The following TNFSF4 variants were observed in gnomAD, a reference collection of about 807,000 sequenced individuals.
The protein encoded by TNFSF4 is TNF superfamily member 4.
Under a neutral mutation model 7.3 loss-of-function variants are expected in TNFSF4, and 4 were observed. That is an observed-to-expected ratio of 0.55 (90% CI 0.27 to 1.25). The LOEUF (loss-of-function observed/expected upper bound fraction) is 1.25. Among genes scored for constraint, TNFSF4 ranks in the 50% most tolerant of loss-of-function variants. The pLI, the probability that TNFSF4 is intolerant of heterozygous loss-of-function variation, is 0.12. For missense variants in TNFSF4, 181 were observed against 208.8 expected (o/e 0.87, Z 0.82); for synonymous variants, 76 against 83.7 (o/e 0.91, Z 0.50).
At chr1:173,287,100 T>C in the TNFSF4 span, among the ~76,000 whole-genome samples, 1 of 152,182 alleles carries the variant, frequency 6.6e-6, no homozygotes, top group Non-Finnish European at 1.5e-5. Flanking sequence ...GGAAGATTGC[T>C]TGAGGCCAGG....
chr1:173,395,842 G>C, the TNFSF4 span, among the ~76,000 whole-genome samples: 1 of 151,956 alleles, frequency 6.6e-6, no homozygotes, highest in African/African-American at 2.4e-5. Flanking sequence ...AGTAGAAGAG[G>C]CTCCCCTACT....
the TNFSF4 span, among the ~76,000 whole-genome samples, chr1:173,307,118 T>C: frequency 6.6e-6 from 1 of 151,910 alleles, no homozygotes; most frequent in African/African-American, 2.4e-5. Context: ...TAAAATACTT[T>C]ATAAAATGCT....
At chr1:173,357,627 G>A in the TNFSF4 span, among the ~76,000 whole-genome samples, 1 of 152,104 alleles carries the variant, frequency 6.6e-6, no homozygotes, top group South Asian at 2.1e-4. Context: ...CACTTCCTGG[G>A]TTCAAGCGAT....
chr1:173,246,158 T>C, the TNFSF4 span, among the ~76,000 whole-genome samples: 1 of 152,220 alleles, frequency 6.6e-6, no homozygotes. Flanking sequence ...CTATACTTTT[T>C]TTTATTTCAC....
chr1:173,332,063 A>G, the TNFSF4 span, among the ~76,000 whole-genome samples: 1 of 152,180 alleles, frequency 6.6e-6, no homozygotes. Context: ...CCAAATGCCA[A>G]TAGTGATAAG....
rs1257705788 is a variant in TNFSF4, at chr1:173,185,233, T to A, written c.*1283A>T. 1 of 152,176 alleles carries A rather than the reference T, an allele frequency of 6.6e-6. No individual in the cohort carries two copies. The highest frequency in any genetic ancestry group is 1.5e-5 in the Non-Finnish European group (1 of 68,034). The allele number at this position is 152,176 out of a possible 1,614,324, so 9.4% of individuals were successfully genotyped here. On this transcript the variant is annotated 3_prime_UTR_variant, in exon 3 of 3. Coordinates refer to ENST00000281834, the MANE Select transcript of TNFSF4 (RefSeq NM_003326.5). ...CTCAAAAATTTATGTTTATAAAAGG[T>A]TTGGCACAGAGAAGTTACAAATCAT...
chr1:173,258,056 T>A, the TNFSF4 span, among the ~76,000 whole-genome samples: 1 of 151,992 alleles, frequency 6.6e-6, no homozygotes, highest in Non-Finnish European at 1.5e-5. Context: ...CTTATATCAC[T>A]TGGGAAATTC....
At chr1:173,243,977 G>A in the TNFSF4 span, among the ~76,000 whole-genome samples, 1 of 152,182 alleles carries the variant, frequency 6.6e-6, no homozygotes, top group Non-Finnish European at 1.5e-5. Context: ...AGAACAGGGA[G>A]CAGCTTCTTG....
chr1:173,441,614 A>T, the TNFSF4 span, among the ~76,000 whole-genome samples: 1 of 152,106 alleles, frequency 6.6e-6, no homozygotes, highest in East Asian at 1.9e-4. Flanking sequence ...ACAGAGCGAG[A>T]CTCTGTCTCA....
the TNFSF4 span, among the ~76,000 whole-genome samples, chr1:173,301,585 T>G: frequency 2.6e-5 from 4 of 151,832 alleles, no homozygotes; most frequent in Admixed American, 2.6e-4. Flanking sequence ...AATGACTCAT[T>G]CACTCATTAA....
At chr1:173,218,770 C>T in the TNFSF4 span, among the ~76,000 whole-genome samples, 5 of 152,032 alleles carry the variant, frequency 3.3e-5, no homozygotes, top group African/African-American at 1.2e-4. Context: ...AAAGTGTATT[C>T]ATTTTCTTTT....
At chr1:173,182,757 T>C (rs1444380351), downstream of TNFSF4, among the ~76,000 whole-genome samples, 1 of 152,136 alleles carries the variant, frequency 6.6e-6, no homozygotes, top group Non-Finnish European at 1.5e-5. Context: ...GGAGCATTGA[T>C]TGAAGGCACA....
chr1:173,328,112 C>T, the TNFSF4 span, among the ~76,000 whole-genome samples: 1 of 151,972 alleles, frequency 6.6e-6, no homozygotes, highest in Non-Finnish European at 1.5e-5. Flanking sequence ...CCCAAATGTC[C>T]AACAATGATA....
the TNFSF4 span, among the ~76,000 whole-genome samples, chr1:173,291,615 C>A: frequency 6.6e-6 from 1 of 152,004 alleles, no homozygotes; most frequent in African/African-American, 2.4e-5. Flanking sequence ...AAACCAACCA[C>A]AAACATAGCT....
At chr1:173,205,223 A>T (rs1650132556) in intron 1 of TNFSF4, 1 of 1,518,868 alleles carries the variant, frequency 6.6e-7, no homozygotes, top group Middle Eastern at 1.7e-4. Flanking sequence ...ATGTTTCTTA[A>T]GCAAACAACT....
the TNFSF4 span, among the ~76,000 whole-genome samples, chr1:173,258,342 AG>A: frequency 6.6e-6 from 1 of 152,078 alleles, no homozygotes; most frequent in Non-Finnish European, 1.5e-5. Flanking sequence ...AAGGAAAAGC[AG>A]GGTGGAAAAA....
chr1:173,242,388 G>T, the TNFSF4 span, among the ~76,000 whole-genome samples: 1 of 152,122 alleles, frequency 6.6e-6, no homozygotes, highest in Non-Finnish European at 1.5e-5. Flanking sequence ...AAAATAACAG[G>T]ATATTGCTTG....
chr1:173,426,008 T>C, the TNFSF4 span, among the ~76,000 whole-genome samples: 1 of 152,210 alleles, frequency 6.6e-6, no homozygotes, highest in African/African-American at 2.4e-5. Flanking sequence ...AAAAGGCATA[T>C]AGACTTATCA....
chr1:173,349,178 G>A, the TNFSF4 span, among the ~76,000 whole-genome samples: 12 of 151,992 alleles, frequency 7.9e-5, no homozygotes, highest in African/African-American at 2.9e-4. Flanking sequence ...ACAGGCGCCC[G>A]CTGCCACGCC....
Sources: allele counts gnomAD v4.1 joint callset (sites outside exome capture counted in the v4.1 genomes callset), GRCh38; gene constraint gnomAD v4.1.1; transcripts MANE v1.5; gene names NCBI Gene and HGNC (gene_info 2026-07-23, HGNC 2026-07-21).